Variants in CFAP61 observed in about 807,000 individuals in gnomAD.
CFAP61 encodes cilia and flagella associated protein 61, also known as cilia- and flagella-associated protein 61.
Under a neutral mutation model 135.6 loss-of-function variants are expected in CFAP61, and 107 were observed. That is an observed-to-expected ratio of 0.79 (90% CI 0.67 to 0.93). CFAP61 has a LOEUF of 0.93. Ranked by LOEUF, CFAP61 falls within the 40% of genes least tolerant of loss-of-function variation. The probability of loss-of-function intolerance (pLI) is 0.00; values close to 1 mark genes in which losing one functional copy is unlikely to be tolerated. For missense variants in CFAP61, 1,507 were observed against 1,556.2 expected (o/e 0.97, Z 0.53); for synonymous variants, 575 against 578.5 (o/e 0.99, Z 0.09).
chr20:20,308,338 G>T (rs1435950958), intron 25 of CFAP61, among the ~76,000 whole-genome samples: 2 of 152,130 alleles, frequency 1.3e-5, no homozygotes, highest in East Asian at 3.9e-4. Context: ...TGAAGGCCCA[G>T]TGGAGACAGA....
intron 26 of CFAP61, among the ~76,000 whole-genome samples, chr20:20,348,053 A>T (rs2058697135): frequency 6.6e-6 from 1 of 152,196 alleles, no homozygotes; most frequent in African/African-American, 2.4e-5. Flanking sequence ...CACACAAAGA[A>T]AAGCCCAAGA....
At chr20:20,340,316 A>G (rs2058390562) in intron 25 of CFAP61, among the ~76,000 whole-genome samples, 1 of 152,218 alleles carries the variant, frequency 6.6e-6, no homozygotes, top group African/African-American at 2.4e-5. Context: ...CTCTAATACA[A>G]TTCAAGTTCC....
intron 25 of CFAP61, among the ~76,000 whole-genome samples, chr20:20,336,700 A>G (rs995565810): frequency 6.6e-6 from 1 of 152,218 alleles, no homozygotes; most frequent in Non-Finnish European, 1.5e-5. Flanking sequence ...TTGATTCCCA[A>G]GTGACTGAAG....
At chr20:20,355,986 CGTCACACTGTGAGGGGAG>C (rs1315287847) in intron 26 of CFAP61, among the ~76,000 whole-genome samples, 7 of 96,628 alleles carry the variant, frequency 7.2e-5, no homozygotes, top group African/African-American at 3.0e-4. Flanking sequence ...TGTGAGGGGA[CGTCACACTGTGAGGGGAG>C]GTGGTCACAC....
intron 1 of CFAP61, among the ~76,000 whole-genome samples, chr20:20,054,339 G>C (rs1361479048): frequency 6.6e-6 from 1 of 151,302 alleles, no homozygotes; most frequent in East Asian, 1.9e-4. Context: ...GAAAACTATG[G>C]GCCGTAGACT....
At chr20:20,150,829 A>G (rs1246553863) in intron 9 of CFAP61, among the ~76,000 whole-genome samples, 1 of 152,232 alleles carries the variant, frequency 6.6e-6, no homozygotes, top group African/African-American at 2.4e-5. Flanking sequence ...TTTGGCTCTC[A>G]GGAAGTCCCA....
At chr20:20,282,067 G>T (rs1309381918) in intron 22 of CFAP61, among the ~76,000 whole-genome samples, 1 of 151,912 alleles carries the variant, frequency 6.6e-6, no homozygotes, top group East Asian at 1.9e-4. Flanking sequence ...ATATTATTTT[G>T]TTATCTATTT....
intron 18 of CFAP61, among the ~76,000 whole-genome samples, chr20:20,240,023 T>C (rs1601570158): frequency 6.6e-6 from 1 of 152,108 alleles, no homozygotes. Flanking sequence ...GGCTGCCAAA[T>C]TCCTAGCTCT....
At chr20:20,212,138 C>T (rs2047689766) in intron 17 of CFAP61, among the ~76,000 whole-genome samples, 1 of 152,194 alleles carries the variant, frequency 6.6e-6, no homozygotes, top group Non-Finnish European at 1.5e-5. Flanking sequence ...CCGAGGCTGG[C>T]AGGCCCCTTT....
At chr20:20,178,409 C>T (rs1178170128) in intron 13 of CFAP61, among the ~76,000 whole-genome samples, 1 of 152,168 alleles carries the variant, frequency 6.6e-6, no homozygotes, top group Admixed American at 6.6e-5. Context: ...TACCCACTGG[C>T]TTTTCTGTCC....
intron 17 of CFAP61, chr20:20,220,209 C>T (rs1032737858): frequency 6.6e-6 from 1 of 152,170 alleles, no homozygotes; most frequent in African/African-American, 2.4e-5. Flanking sequence ...ACGATGAAGC[C>T]TCCATAAAAC....
chr20:20,321,633 A>G lies in CFAP61; in HGVS notation c.3423-20198A>G, dbSNP rs190850063. ...TGCAGTGGCTGCTTCTTTCTCTTGC[A>G]GACTGGCTTTCTCTGCTTCCCCCAC... On this transcript the variant is annotated intron_variant, in intron 25 of 26. Coordinates refer to ENST00000245957, the MANE Select transcript of CFAP61 (RefSeq NM_015585.4). Among the ~76,000 whole-genome samples, 32 of 152,340 alleles carry G rather than the reference A, an allele frequency of 2.1e-4. No individual in the cohort carries two copies. In the East Asian group the frequency reaches 5.2e-3, roughly 25 times the overall value.
At chr20:20,240,243 G>A (rs1238656730) in intron 18 of CFAP61, among the ~76,000 whole-genome samples, 2 of 152,174 alleles carry the variant, frequency 1.3e-5, no homozygotes, top group Non-Finnish European at 2.9e-5. Flanking sequence ...AGTCCTGGTG[G>A]TGGATAACAT....
intron 8 of CFAP61, among the ~76,000 whole-genome samples, chr20:20,108,607 A>G (rs1437515429): frequency 6.6e-6 from 1 of 152,212 alleles, no homozygotes; most frequent in East Asian, 1.9e-4. Flanking sequence ...CAGGGAGGCA[A>G]TGAACTAAAA....
At chr20:20,261,015 C>A (rs1255767803) in intron 20 of CFAP61, among the ~76,000 whole-genome samples, 1 of 152,152 alleles carries the variant, frequency 6.6e-6, no homozygotes, top group Non-Finnish European at 1.5e-5. Flanking sequence ...TATTACTAAA[C>A]GAGCTATATT....
chr20:20,313,279 A>G (rs949172617), intron 25 of CFAP61, among the ~76,000 whole-genome samples: 12 of 152,178 alleles, frequency 7.9e-5, no homozygotes, highest in African/African-American at 4.8e-5. Flanking sequence ...GAACCTAACT[A>G]TGTTATCACC....
chr20:20,284,790 C>T (rs1220698623), intron 22 of CFAP61, among the ~76,000 whole-genome samples: 1 of 152,186 alleles, frequency 6.6e-6, no homozygotes, highest in Non-Finnish European at 1.5e-5. Context: ...TCTACAAACA[C>T]TGCAAAATCA....
intron 7 of CFAP61, among the ~76,000 whole-genome samples, chr20:20,091,461 C>G (rs34623263): frequency 1.3e-5 from 2 of 151,570 alleles, no homozygotes; most frequent in Non-Finnish European, 2.9e-5. Context: ...TTCTCTTGTT[C>G]AACCTTTCTA....
intron 12 of CFAP61, among the ~76,000 whole-genome samples, chr20:20,166,905 C>T (rs1031044079): frequency 2.0e-4 from 31 of 152,274 alleles, no homozygotes; most frequent in African/African-American, 7.5e-4. Context: ...GCTCAACCCA[C>T]ATTGATGAAT....
Sources: gnomAD v4.1 joint callset for allele counts (sites outside exome capture counted in the v4.1 genomes callset) on GRCh38, gnomAD v4.1.1 for gene constraint, MANE v1.5 for transcripts, NCBI Gene and HGNC (gene_info 2026-07-23, HGNC 2026-07-21) for gene names.